The following DLG2 variants were observed in gnomAD, a reference collection of about 807,000 sequenced individuals.
DLG2 encodes disks large homolog 2.
Under a neutral mutation model 132.5 loss-of-function variants are expected in DLG2, and 45 were observed. That is an observed-to-expected ratio of 0.34 (90% confidence interval 0.27 to 0.44). The LOEUF is 0.44. DLG2 is among the 20% of genes least tolerant of loss of function. The pLI is 1.00. For synonymous variants in DLG2, 424 were observed against 419.6 expected, an observed-to-expected ratio of 1.01 and a Z score of -0.13; for missense variants, 1,045 against 1,196.9, an observed-to-expected ratio of 0.87 and a Z score of 1.87.
intron 10 of DLG2, among the ~76,000 whole-genome samples, chr11:84,077,380 A>G (rs1346659236): frequency 6.6e-6 from 1 of 152,170 alleles, no homozygotes; most frequent in African/African-American, 2.4e-5. Context: ...ATTTTGGTCC[A>G]TCTCACAACA....
intron 6 of DLG2, among the ~76,000 whole-genome samples, chr11:85,076,070 G>C (rs764706577): frequency 1.3e-5 from 2 of 151,930 alleles, no homozygotes; most frequent in Non-Finnish European, 2.9e-5. Context: ...CATTAAGCTT[G>C]TTGGTCAATC....
At chr11:85,193,400 A>T (rs982916299) in intron 4 of DLG2, among the ~76,000 whole-genome samples, 2 of 152,216 alleles carry the variant, frequency 1.3e-5, no homozygotes, top group Non-Finnish European at 2.9e-5. Context: ...TCATAGAAAC[A>T]TATATTTTCA....
chr11:84,522,117 G>C lies in DLG2; in HGVS notation c.519+12453C>G, dbSNP rs188806517. Among the ~76,000 whole-genome samples, 7 of 151,652 alleles carry C rather than the reference G, an allele frequency of 4.6e-5. No individual in the cohort carries two copies. The East Asian group carries it at 1.4e-3, about 30-fold the overall frequency. On this transcript the variant is annotated intron_variant, in intron 7 of 27. Coordinates refer to ENST00000376104, the MANE Select transcript of DLG2 (RefSeq NM_001142699.3). The stretch of plus-strand genomic sequence containing the variant: ...CAGGAGGCAGAGACTGCAGTGAGCA[G>C]AGATCATGCCACTGCACTCCAGCCT...
At chr11:83,472,632 G>A in intron 23 of DLG2, 95 bp downstream of exon 23, 1 of 1,093,072 alleles carries the variant, frequency 9.1e-7, no homozygotes, top group Non-Finnish European at 1.4e-6. Context: ...ATTAAGCCGA[G>A]TTTATTCTCC....
chr11:84,033,014 C>T (rs950481128), intron 11 of DLG2, among the ~76,000 whole-genome samples: 1 of 152,198 alleles, frequency 6.6e-6, no homozygotes, highest in African/African-American at 2.4e-5. Flanking sequence ...TATTGTTGCT[C>T]ATTGTCGATG....
chr11:84,328,866 TCTC>T (rs2098445693), intron 7 of DLG2, among the ~76,000 whole-genome samples: 1 of 152,092 alleles, frequency 6.6e-6, no homozygotes, highest in South Asian at 2.1e-4. Context: ...TTAACCATCT[TCTC>T]CTCTGGGCTT....
chr11:84,983,262 ATACTGTGC>A (rs1442952356), intron 6 of DLG2, among the ~76,000 whole-genome samples: 2 of 152,130 alleles, frequency 1.3e-5, no homozygotes, highest in African/African-American at 4.8e-5. Flanking sequence ...GACGCCCCAA[ATACTGTGC>A]TGGTATCCAT....
At chr11:85,338,246 T>C (rs2152853329) in intron 3 of DLG2, among the ~76,000 whole-genome samples, 1 of 152,216 alleles carries the variant, frequency 6.6e-6, no homozygotes, top group Middle Eastern at 3.4e-3. Context: ...AGACAATAAA[T>C]AGTAGCAACC....
chr11:85,583,306 C>A (rs1365266818), intron 3 of DLG2, among the ~76,000 whole-genome samples: 1 of 150,170 alleles, frequency 6.7e-6, no homozygotes, highest in Non-Finnish European at 1.5e-5. Flanking sequence ...GTTAGAACAA[C>A]ACACATGCAT....
At chr11:84,262,353 G>GA (rs2097557976) in intron 7 of DLG2, among the ~76,000 whole-genome samples, 1 of 152,122 alleles carries the variant, frequency 6.6e-6, no homozygotes, top group Non-Finnish European at 1.5e-5. Context: ...GGGATTTGGA[G>GA]AAAAAACTAA....
At chr11:84,972,791 A>G (rs963963468) in intron 6 of DLG2, among the ~76,000 whole-genome samples, 2 of 151,936 alleles carry the variant, frequency 1.3e-5, no homozygotes, top group East Asian at 1.9e-4. Context: ...TCCCTCAAAC[A>G]TTTAAAAACA....
At chr11:83,699,177 T>C (rs1333692377) in intron 18 of DLG2, among the ~76,000 whole-genome samples, 1 of 151,786 alleles carries the variant, frequency 6.6e-6, no homozygotes, top group Non-Finnish European at 1.5e-5. Flanking sequence ...ATGTCCCCAA[T>C]ATATCACATG....
At chr11:85,369,829 G>A (rs1354229790) in intron 3 of DLG2, among the ~76,000 whole-genome samples, 1 of 152,192 alleles carries the variant, frequency 6.6e-6, no homozygotes, top group Non-Finnish European at 1.5e-5. Flanking sequence ...TGTACAAGGA[G>A]CTCTGATTCA....
intron 17 of DLG2, 98 bp downstream of exon 17, chr11:83,833,516 T>C: frequency 7.6e-7 from 1 of 1,312,062 alleles, no homozygotes; most frequent in African/African-American, 1.5e-5. Flanking sequence ...CACTTTCCTT[T>C]GTAATTAAGG....
intron 6 of DLG2, among the ~76,000 whole-genome samples, chr11:84,736,865 G>C (rs748555412): frequency 5.9e-5 from 9 of 151,950 alleles, no homozygotes; most frequent in South Asian, 2.1e-4. Flanking sequence ...TTTCTTTACT[G>C]ATTATGCTGG....
intron 9 of DLG2, among the ~76,000 whole-genome samples, chr11:84,102,937 C>G (rs567143976): frequency 2.0e-5 from 3 of 152,158 alleles, no homozygotes; most frequent in African/African-American, 7.2e-5. Context: ...TATACATTCC[C>G]CTGTCCCCAG....
At chr11:85,450,866 C>CT (rs1371730480) in intron 3 of DLG2, among the ~76,000 whole-genome samples, 5 of 152,044 alleles carry the variant, frequency 3.3e-5, no homozygotes, top group East Asian at 1.9e-4. Flanking sequence ...ACCCATGTAG[C>CT]TTTTTTCTGC....
At chr11:85,460,683 C>G (rs1565522240) in intron 3 of DLG2, among the ~76,000 whole-genome samples, 1 of 152,204 alleles carries the variant, frequency 6.6e-6, no homozygotes, top group Non-Finnish European at 1.5e-5. Flanking sequence ...ATGATCACCC[C>G]TCACTTTTCA....
chr11:83,878,978 T>C (rs926938011), intron 15 of DLG2, among the ~76,000 whole-genome samples: 1 of 152,184 alleles, frequency 6.6e-6, no homozygotes, highest in Non-Finnish European at 1.5e-5. Context: ...AAGTGCACAA[T>C]AGAGTTTCCT....
Sources: allele counts gnomAD v4.1 joint callset (sites outside exome capture counted in the v4.1 genomes callset), GRCh38; gene constraint gnomAD v4.1.1; transcripts MANE v1.5; gene names NCBI Gene and HGNC (gene_info 2026-07-23, HGNC 2026-07-21).